The following PTPRD variants were observed in gnomAD, a reference collection of about 807,000 sequenced individuals.
The protein encoded by PTPRD is protein tyrosine phosphatase receptor type D.
A neutral mutation model predicts 214.5 loss-of-function variants in PTPRD; 34 were observed. The ratio of observed to expected loss-of-function variants is 0.16; its 90% CI spans 0.12 to 0.21. The LOEUF (loss-of-function observed/expected upper bound fraction) is 0.21. PTPRD is among the 10% of genes least tolerant of loss of function. The probability of loss-of-function intolerance (pLI) is 1.00; values close to 1 mark genes in which losing one functional copy is unlikely to be tolerated. For missense variants in PTPRD, 2,545 were observed against 2,398.7 expected (o/e 1.06, Z -1.27); for synonymous variants, 1,128 against 845.7 (o/e 1.33, Z -5.79).
At chr9:9,136,478 G>T (rs891225281) in intron 10 of PTPRD, among the ~76,000 whole-genome samples, 9 of 151,896 alleles carry the variant, frequency 5.9e-5, no homozygotes, top group Admixed American at 3.9e-4. Flanking sequence ...GGTAAAAAAC[G>T]CAATTAATGG....
chr9:9,953,879 A>G (rs991722697), intron 4 of PTPRD, among the ~76,000 whole-genome samples: 5 of 152,130 alleles, frequency 3.3e-5, no homozygotes, highest in African/African-American at 1.2e-4. Context: ...CACACACTCA[A>G]TGTTGCAACT....
At chr9:8,823,672 A>AAAAGGAAAGGG (rs371862917) in intron 11 of PTPRD, among the ~76,000 whole-genome samples, 4 of 116,072 alleles carry the variant, frequency 3.4e-5, no homozygotes, top group Admixed American at 8.2e-5. Flanking sequence ...AGGGAAAGGG[A>AAAAGGAAAGGG]AAAGGAAAGG....
chr9:8,894,854 T>C (rs1196456066), intron 11 of PTPRD, among the ~76,000 whole-genome samples: 2 of 151,952 alleles, frequency 1.3e-5, no homozygotes, highest in Non-Finnish European at 2.9e-5. Context: ...AGGAACCAAC[T>C]TAAATTAAGA....
At chr9:9,333,751 G>T (rs904391239) in intron 9 of PTPRD, among the ~76,000 whole-genome samples, 1 of 151,526 alleles carries the variant, frequency 6.6e-6, no homozygotes, top group Non-Finnish European at 1.5e-5. Context: ...ACATTCATAT[G>T]AGGTCAAAAT....
intron 5 of PTPRD, among the ~76,000 whole-genome samples, chr9:9,791,957 TGAATAATTA>T (rs2098970508): frequency 6.6e-6 from 1 of 152,150 alleles, no homozygotes. Flanking sequence ...GACACATATT[TGAATAATTA>T]GAGCACTGCA....
intron 4 of PTPRD, among the ~76,000 whole-genome samples, chr9:9,962,117 A>G (rs146299671): frequency 2.0e-5 from 3 of 152,258 alleles, no homozygotes; most frequent in African/African-American, 7.2e-5. Flanking sequence ...AGCAGAACCA[A>G]ATTTTTAAAA....
At chr9:8,987,510 G>A (rs1283662485) in intron 11 of PTPRD, among the ~76,000 whole-genome samples, 2 of 152,146 alleles carry the variant, frequency 1.3e-5, no homozygotes, top group Non-Finnish European at 2.9e-5. Flanking sequence ...AGAAAGAAAA[G>A]TGCTGTGTTC....
chr9:8,487,540 G>A (rs1043118862), intron 27 of PTPRD, among the ~76,000 whole-genome samples: 8 of 151,978 alleles, frequency 5.3e-5, no homozygotes, highest in Non-Finnish European at 1.2e-4. Flanking sequence ...ACCAGCGGCT[G>A]GGTGTGGTGG....
intron 5 of PTPRD, among the ~76,000 whole-genome samples, chr9:9,903,925 C>T (rs2076970749): frequency 6.6e-6 from 1 of 152,118 alleles, no homozygotes. Context: ...CTAATAGGGT[C>T]ATTGACTCAC....
chr9:9,976,865 A>T (rs2382102), intron 4 of PTPRD, among the ~76,000 whole-genome samples: 116,032 of 151,746 alleles, frequency 0.76, 44,924 homozygotes, highest in Middle Eastern at 0.89. Flanking sequence ...TTAAATTTTT[A>T]AAAAAATGAA....
At chr9:9,964,621 T>C (rs919440421) in intron 4 of PTPRD, among the ~76,000 whole-genome samples, 2 of 152,180 alleles carry the variant, frequency 1.3e-5, no homozygotes, top group Non-Finnish European at 2.9e-5. Context: ...ACAGGTTTGA[T>C]TTTCTTTTTA....
intron 5 of PTPRD, among the ~76,000 whole-genome samples, chr9:9,892,235 G>T (rs939647009): frequency 1.2e-4 from 18 of 152,050 alleles, no homozygotes; most frequent in Admixed American, 3.3e-4. Context: ...AGGAGGAAAG[G>T]AATGGATATT....
chr9:10,123,331 G>A (rs1362497557), intron 3 of PTPRD, among the ~76,000 whole-genome samples: 1 of 152,172 alleles, frequency 6.6e-6, no homozygotes, highest in Non-Finnish European at 1.5e-5. Context: ...GTGAACTTGT[G>A]AGGTGAGGAA....
chr9:8,446,787 A>G lies in PTPRD; in HGVS notation c.3988+2938T>C, dbSNP rs1198391272. On this transcript the variant is annotated intron_variant, in intron 34 of 45. Transcript: ENST00000381196. ...TCATAGCACCTGTCATGCAACACCT[A>G]ATGAAGGATTATTTTATTTCATTAT... Among the ~76,000 whole-genome samples, 3 of 152,188 alleles carry G rather than the reference A, an allele frequency of 2.0e-5. No individual in the cohort carries two copies. The East Asian group carries it at 5.8e-4, about 29-fold the overall frequency.
chr9:10,235,934 C>A (rs2099627466), intron 3 of PTPRD, among the ~76,000 whole-genome samples: 1 of 151,962 alleles, frequency 6.6e-6, no homozygotes, highest in Admixed American at 6.6e-5. Flanking sequence ...TCCAGAACCT[C>A]AGGGTCTATA....
At chr9:9,109,639 G>A (rs2099803311) in intron 10 of PTPRD, among the ~76,000 whole-genome samples, 2 of 152,098 alleles carry the variant, frequency 1.3e-5, no homozygotes, top group South Asian at 4.1e-4. Context: ...CTGGGTGGAG[G>A]TCTAGGAGAT....
intron 3 of PTPRD, among the ~76,000 whole-genome samples, chr9:10,265,508 T>C (rs139928167): frequency 2.0e-4 from 30 of 152,312 alleles, no homozygotes; most frequent in African/African-American, 7.2e-4. Context: ...TGCTTGTTGT[T>C]TTAAGCCAGG....
Position 10,337,092 on chromosome 9 carries a change from CAAA to C in PTPRD, c.-545+3868_-545+3870del, listed in dbSNP as rs111684867. Among the ~76,000 whole-genome samples, 87 of 151,740 alleles carry C rather than the reference CAAA, an allele frequency of 5.7e-4. 1 individual carries two copies. Among genetic ancestry groups the C allele is most frequent in the African/African-American group, 1.6e-3 (65 of 41,476 alleles). On this transcript the variant is annotated intron_variant, in intron 3 of 45. Coordinates refer to ENST00000381196, the MANE Select transcript of PTPRD (RefSeq NM_002839.4). ...CTTATTTAATTTCTAAAAAAACAAA[CAAA>C]AAAGACAACAAAAACTTTCCTTTTC...
At chr9:10,067,000 C>T (rs2154175489) in intron 3 of PTPRD, among the ~76,000 whole-genome samples, 1 of 151,432 alleles carries the variant, frequency 6.6e-6, no homozygotes, top group South Asian at 2.1e-4. Context: ...AGAAGATGTT[C>T]TCTAGAGTGC....
Sources: allele counts gnomAD v4.1 joint callset (sites outside exome capture counted in the v4.1 genomes callset), GRCh38; gene constraint gnomAD v4.1.1; transcripts MANE v1.5; gene names NCBI Gene and HGNC (gene_info 2026-07-23, HGNC 2026-07-21).